The following PTPRG variants were observed in gnomAD, a reference collection of about 807,000 sequenced individuals.
The protein encoded by PTPRG is receptor-type tyrosine-protein phosphatase gamma.
In PTPRG, 102 loss-of-function variants were observed where a neutral mutation model predicts 165.3. The observed-to-expected ratio is 0.62, with a 90% CI of 0.53 to 0.73. The LOEUF (loss-of-function observed/expected upper bound fraction) is 0.73, where lower values mean the gene tolerates loss of function less well. Ranked by LOEUF, PTPRG falls within the 30% of genes least tolerant of loss-of-function variation. The probability of loss-of-function intolerance (pLI) is 0.00; values close to 1 mark genes in which losing one functional copy is unlikely to be tolerated. For synonymous variants in PTPRG, 675 were observed against 669.5 expected, an observed-to-expected ratio of 1.01 and a Z score of -0.13; for missense variants, 1,866 against 1,861.4, an observed-to-expected ratio of 1.00 and a Z score of -0.05.
chr3:62,137,090 C>G (rs763518960), intron 6 of PTPRG, among the ~76,000 whole-genome samples: 2 of 152,184 alleles, frequency 1.3e-5, no homozygotes, highest in Admixed American at 6.5e-5. Flanking sequence ...TCCCATCTAT[C>G]TACTCATGCA....
intron 2 of PTPRG, among the ~76,000 whole-genome samples, chr3:61,931,333 C>G (rs1239734996): frequency 2.6e-5 from 4 of 152,210 alleles, no homozygotes; most frequent in Admixed American, 2.6e-4. Flanking sequence ...CTCCAAGTTA[C>G]TTTGCTGCCG....
At chr3:61,987,348 A>G (rs931451538) in intron 2 of PTPRG, among the ~76,000 whole-genome samples, 11 of 152,266 alleles carry the variant, frequency 7.2e-5, no homozygotes, top group Non-Finnish European at 2.9e-5. Context: ...TCCCACTGGT[A>G]TGAACCCAGA....
intron 12 of PTPRG, among the ~76,000 whole-genome samples, chr3:62,208,622 T>C (rs1559652378): frequency 6.6e-6 from 1 of 152,102 alleles, no homozygotes. Context: ...GCATGGCCCA[T>C]GAGCTAAGAA....
chr3:61,594,550 C>T (rs1333802993), intron 1 of PTPRG, among the ~76,000 whole-genome samples: 3 of 152,126 alleles, frequency 2.0e-5, no homozygotes, highest in African/African-American at 7.2e-5. Flanking sequence ...CTGCATACCA[C>T]CTCCTCCATC....
intron 28 of PTPRG, among the ~76,000 whole-genome samples, chr3:62,291,174 A>T (rs903632021): frequency 6.6e-6 from 1 of 152,168 alleles, no homozygotes; most frequent in Non-Finnish European, 1.5e-5. Flanking sequence ...CCCTAGTAAG[A>T]TACAGTCTTC....
intron 2 of PTPRG, among the ~76,000 whole-genome samples, chr3:61,967,483 G>A (rs187836741): frequency 8.5e-5 from 13 of 152,168 alleles, no homozygotes; most frequent in Admixed American, 7.2e-4. Flanking sequence ...ATGGTCTCAC[G>A]CCTCATTTCA....
intron 5 of PTPRG, among the ~76,000 whole-genome samples, chr3:62,102,399 C>T (rs559201005): frequency 2.6e-5 from 4 of 152,104 alleles, no homozygotes; most frequent in South Asian, 2.1e-4. Context: ...CTCAGCCTCC[C>T]GAGTAGCGTG....
chr3:61,845,109 C>T (rs1402313328), intron 2 of PTPRG, among the ~76,000 whole-genome samples: 1 of 152,200 alleles, frequency 6.6e-6, no homozygotes, highest in Non-Finnish European at 1.5e-5. Flanking sequence ...GTTTGTCACA[C>T]TTTCCCCAGC....
intron 2 of PTPRG, among the ~76,000 whole-genome samples, chr3:61,817,644 C>T (rs983829626): frequency 6.6e-6 from 1 of 152,130 alleles, no homozygotes; most frequent in African/African-American, 2.4e-5. Flanking sequence ...AGCTACGAGA[C>T]CTGCGTGGAA....
At chr3:62,015,083 A>G (rs2041509373) in intron 4 of PTPRG, among the ~76,000 whole-genome samples, 1 of 152,262 alleles carries the variant, frequency 6.6e-6, no homozygotes, top group African/African-American at 2.4e-5. Context: ...CCATGATGCC[A>G]TGATAATACA....
chr3:61,613,524 A>G, intron 1 of PTPRG, among the ~76,000 whole-genome samples: 1 of 152,230 alleles, frequency 6.6e-6, no homozygotes, highest in South Asian at 2.1e-4. Context: ...TCAAGGTTAA[A>G]TTATCTATTT....
At chr3:61,576,186 T>TTTTG (rs954645790) in intron 1 of PTPRG, among the ~76,000 whole-genome samples, 1 of 152,112 alleles carries the variant, frequency 6.6e-6, no homozygotes, top group Non-Finnish European at 1.5e-5. Flanking sequence ...GGAAGAGGTT[T>TTTTG]TTTGTTTGTT....
At chr3:61,768,267 T>C (rs1038059514) in intron 2 of PTPRG, among the ~76,000 whole-genome samples, 1 of 152,212 alleles carries the variant, frequency 6.6e-6, no homozygotes, top group South Asian at 2.1e-4. Flanking sequence ...TATGTCTTTT[T>C]TTTGGTAGGG....
intron 1 of PTPRG, among the ~76,000 whole-genome samples, chr3:61,631,827 G>A (rs1701781471): frequency 6.6e-6 from 1 of 152,044 alleles, no homozygotes; most frequent in African/African-American, 2.4e-5. Context: ...AGGCACTGGA[G>A]GTACAGATAT....
rs1198470367 is a variant in PTPRG at position 61,942,804 on chromosome 3, C to G, written c.191-46821C>G. Among the ~76,000 whole-genome samples, 6 of 152,150 alleles carry G rather than the reference C, an allele frequency of 3.9e-5. No homozygotes were observed. In the East Asian group the frequency reaches 1.2e-3, roughly 29 times the overall value. On this transcript the variant is annotated intron_variant, in intron 2 of 29. Transcript: ENST00000474889. ...TATTAAATGTCTTTTTTAAAATTGTCCCAGAGAATAGAAAATATAATTTTT... is the reference window on the plus strand; with the variant it reads ...TATTAAATGTCTTTTTTAAAATTGTGCCAGAGAATAGAAAATATAATTTTT...
intron 7 of PTPRG, among the ~76,000 whole-genome samples, chr3:62,165,493 T>G (rs1704936829): frequency 6.6e-6 from 1 of 152,184 alleles, no homozygotes; most frequent in African/African-American, 2.4e-5. Context: ...CTAATTTTTC[T>G]GTCATGTCTT....
chr3:61,871,123 A>G (rs62243204), intron 2 of PTPRG, among the ~76,000 whole-genome samples: 6,969 of 109,236 alleles, frequency 0.064, 369 homozygotes, highest in East Asian at 0.25. Context: ...ATGTTATGTT[A>G]TGTTATGTTG....
chr3:62,247,315 A>C (rs963969218), intron 15 of PTPRG, among the ~76,000 whole-genome samples: 1 of 152,128 alleles, frequency 6.6e-6, no homozygotes, highest in Admixed American at 6.5e-5. Flanking sequence ...ACCTCTTGGC[A>C]TACGACTGTA....
chr3:61,694,306 A>G (rs1471096728), intron 1 of PTPRG, among the ~76,000 whole-genome samples: 1 of 152,240 alleles, frequency 6.6e-6, no homozygotes, highest in East Asian at 1.9e-4. Flanking sequence ...AGACATTAAG[A>G]AAAAGATTTT....
Sources: allele counts gnomAD v4.1 joint callset (sites outside exome capture counted in the v4.1 genomes callset), GRCh38; gene constraint gnomAD v4.1.1; transcripts MANE v1.5; gene names NCBI Gene and HGNC (gene_info 2026-07-23, HGNC 2026-07-21).